The following CPA3 variants were observed in gnomAD, a reference collection of about 807,000 sequenced individuals.
CPA3 encodes mast cell carboxypeptidase A.
In CPA3, 52 loss-of-function variants were observed where a neutral mutation model predicts 55.8. That is an observed-to-expected ratio of 0.93 (90% confidence interval 0.75 to 1.17). The LOEUF is 1.17. Ranked by LOEUF, CPA3 falls within the 50% of genes most tolerant of loss-of-function variation. The probability of loss-of-function intolerance (pLI) is 0.00; values close to 1 mark genes in which losing one functional copy is unlikely to be tolerated. For synonymous variants in CPA3, 179 were observed against 171.2 expected (o/e 1.05, Z -0.36); for missense variants, 547 against 509.1 (o/e 1.07, Z -0.72).
chr3:148,894,661 T>C (rs1714776749), intron 10 of CPA3, among the ~76,000 whole-genome samples: 1 of 20,628 alleles, frequency 4.8e-5, no homozygotes, highest in Admixed American at 4.7e-4. Context: ...TACTATGCCA[T>C]AGGAAGAATA....
intron 10 of CPA3, among the ~76,000 whole-genome samples, chr3:148,892,987 G>A (rs1359673818): frequency 6.6e-6 from 1 of 151,976 alleles, no homozygotes; most frequent in Non-Finnish European, 1.5e-5. Flanking sequence ...ATTGTCATCA[G>A]TATCACAAGA....
At chr3:148,892,676 C>A (rs540977997) in intron 10 of CPA3, among the ~76,000 whole-genome samples, 106 of 151,500 alleles carry the variant, frequency 7.0e-4, no homozygotes, top group African/African-American at 2.3e-3. Flanking sequence ...ACAACAACAA[C>A]AAAAAACCAA....
At chr3:148,892,588 G>A (rs147699347) in intron 10 of CPA3, among the ~76,000 whole-genome samples, 6 of 152,208 alleles carry the variant, frequency 3.9e-5, no homozygotes, top group African/African-American at 1.4e-4. Flanking sequence ...GGAAGGCAGA[G>A]GTTGCAGTGA....
intron 3 of CPA3, among the ~76,000 whole-genome samples, chr3:148,878,186 C>A (rs1714260297): frequency 6.6e-6 from 1 of 152,176 alleles, no homozygotes; most frequent in Admixed American, 6.5e-5. Flanking sequence ...CTTGGACAAG[C>A]CCCACTTCAC....
At chr3:148,896,269 A>G (rs1051850416) in intron 10 of CPA3, among the ~76,000 whole-genome samples, 10 of 152,182 alleles carry the variant, frequency 6.6e-5, no homozygotes, top group Admixed American at 3.3e-4. Context: ...TGTGCCTAGG[A>G]AATAAACTCA....
rs199563973 is a variant in CPA3 at position 148,881,029 on chromosome 3, G to GA, written c.577-483dup. Among the ~76,000 whole-genome samples the GA allele has an allele frequency of 4.1e-3, 605 of 148,186 alleles. 2 individuals carry two copies. The highest frequency in any genetic ancestry group is 0.014 in the African/African-American group (551 of 40,532). ...ATTAGAGAAATTTCAGTCAGATATA[G>GA]AAAAAAAAAAGTTGTTCAATCTCTG... On this transcript the variant is annotated intron_variant, in intron 6 of 10. Transcript: ENST00000296046.
chr3:148,884,911 G>A (rs776652421), intron 9 of CPA3, among the ~76,000 whole-genome samples: 2 of 150,914 alleles, frequency 1.3e-5, no homozygotes, highest in Non-Finnish European at 2.9e-5. Context: ...TTCTTGCATA[G>A]CAACTAAATT....
intron 3 of CPA3, among the ~76,000 whole-genome samples, chr3:148,873,279 T>C (rs1428235666): frequency 2.0e-5 from 3 of 152,236 alleles, no homozygotes; most frequent in African/African-American, 7.2e-5. Flanking sequence ...TGATGTAATG[T>C]GGGCATCAGG....
chr3:148,884,736 T>C (rs1714480977), intron 9 of CPA3, among the ~76,000 whole-genome samples: 2 of 152,060 alleles, frequency 1.3e-5, no homozygotes, highest in South Asian at 4.1e-4. Context: ...ATATGGCCCA[T>C]AGTCATTTAT....
intron 10 of CPA3, among the ~76,000 whole-genome samples, chr3:148,895,341 C>T (rs1714799012): frequency 6.6e-6 from 1 of 152,224 alleles, no homozygotes; most frequent in Admixed American, 6.5e-5. Context: ...CTTCAAGGCT[C>T]TCCTCCAATA....
chr3:148,869,141 C>T, intron 3 of CPA3, 102 bp downstream of exon 3: 2 of 1,337,884 alleles, frequency 1.5e-6, no homozygotes, highest in South Asian at 1.4e-5. Flanking sequence ...ATTGGGCCCC[C>T]CAGAACGAAA....
At chr3:148,888,099 A>G (rs1239925666) in intron 10 of CPA3, among the ~76,000 whole-genome samples, 1 of 152,232 alleles carries the variant, frequency 6.6e-6, no homozygotes, top group Non-Finnish European at 1.5e-5. Flanking sequence ...AAAAATACAT[A>G]TGTGCATATG....
chr3:148,878,182 C>T (rs1162900547), intron 3 of CPA3, among the ~76,000 whole-genome samples: 1 of 152,124 alleles, frequency 6.6e-6, no homozygotes, highest in African/African-American at 2.4e-5. Flanking sequence ...TACTCTTGGA[C>T]AAGCCCCACT....
intron 6 of CPA3, 83 bp from the exon 7 acceptor site, chr3:148,881,439 A>C: frequency 4.0e-6 from 3 of 744,160 alleles, no homozygotes; most frequent in Non-Finnish European, 2.3e-6. Flanking sequence ...GAAGTGACTC[A>C]AGTTATTACT....
At chr3:148,895,521 T>C (rs1294776641) in intron 10 of CPA3, among the ~76,000 whole-genome samples, 1 of 152,228 alleles carries the variant, frequency 6.6e-6, no homozygotes, top group Non-Finnish European at 1.5e-5. Context: ...CCTTGACTTC[T>C]GCCTCCTAAA....
Position 148,865,864 on chromosome 3 carries a change from C to G in CPA3, c.144+316C>G, listed in dbSNP as rs80272873. On this transcript the variant is annotated intron_variant, in intron 2 of 10. Transcript: ENST00000296046. ...TTCTCTTGCCTACGGGTGCCATTCC[C>G]TCTCCATTCTCCCCACTCCGACCCT... Among the ~76,000 whole-genome samples, 826 of 152,288 alleles carry G rather than the reference C, an allele frequency of 5.4e-3. 4 individuals are homozygous for G. Among genetic ancestry groups the G allele is most frequent in the African/African-American group, 0.019 (789 of 41,560 alleles).
At chr3:148,882,985 A>C (rs1488872469) in intron 8 of CPA3, among the ~76,000 whole-genome samples, 1 of 152,244 alleles carries the variant, frequency 6.6e-6, no homozygotes, top group South Asian at 2.1e-4. Flanking sequence ...CATCTGGAGC[A>C]AAGAAAGTGA....
chr3:148,865,850 A>G (rs1298750131), intron 2 of CPA3, among the ~76,000 whole-genome samples: 1 of 152,132 alleles, frequency 6.6e-6, no homozygotes, highest in Non-Finnish European at 1.5e-5. Flanking sequence ...TCTCTTGCCT[A>G]CGGGTGCCAT....
chr3:148,871,279 T>C (rs1026909233), intron 3 of CPA3, among the ~76,000 whole-genome samples: 1 of 152,218 alleles, frequency 6.6e-6, no homozygotes, highest in East Asian at 1.9e-4. Context: ...ATTCCTATGA[T>C]AAACTAATTC....
Sources: gnomAD v4.1 joint callset for allele counts (sites outside exome capture counted in the v4.1 genomes callset) on GRCh38, gnomAD v4.1.1 for gene constraint, MANE v1.5 for transcripts, NCBI Gene and HGNC (gene_info 2026-07-23, HGNC 2026-07-21) for gene names.